Variants in DLGAP2 observed in about 807,000 individuals in gnomAD.
The protein encoded by DLGAP2 is disks large-associated protein 2.
Under a neutral mutation model 100.3 loss-of-function variants are expected in DLGAP2, and 26 were observed. The observed-to-expected ratio is 0.26, with a 90% CI of 0.19 to 0.36. DLGAP2 has a LOEUF of 0.36. Among genes scored for constraint, DLGAP2 ranks in the 10% least tolerant of loss-of-function variants. DLGAP2 has a pLI of 1.00. For missense variants in DLGAP2, 1,858 were observed against 1,453.2 expected (o/e 1.28, Z -4.53); for synonymous variants, 886 against 630.1 (o/e 1.41, Z -6.08).
At chr8:1,144,826 C>T (rs1310706381) in intron 2 of DLGAP2, among the ~76,000 whole-genome samples, 2 of 151,906 alleles carry the variant, frequency 1.3e-5, no homozygotes, top group African/African-American at 2.4e-5. Context: ...AAACCGCAGA[C>T]GGCCTGTACC....
intron 3 of DLGAP2, among the ~76,000 whole-genome samples, chr8:1,316,190 A>C (rs1800742804): frequency 7.9e-6 from 1 of 125,954 alleles, no homozygotes; most frequent in Admixed American, 8.6e-5. Flanking sequence ...CAGCGTTTAA[A>C]AATAGAGCCT....
intron 2 of DLGAP2, among the ~76,000 whole-genome samples, chr8:977,286 T>G (rs1800189807): frequency 6.6e-6 from 1 of 152,228 alleles, no homozygotes; most frequent in African/African-American, 2.4e-5. Context: ...ATTCCTTCTC[T>G]TGAAGTCTGT....
At chr8:1,327,949 C>G (rs1350152765) in intron 3 of DLGAP2, among the ~76,000 whole-genome samples, 1 of 152,206 alleles carries the variant, frequency 6.6e-6, no homozygotes. Flanking sequence ...ACAGGGATTG[C>G]TGGTTTGTGT....
intron 2 of DLGAP2, among the ~76,000 whole-genome samples, chr8:1,040,399 C>T (rs575337184): frequency 1.1e-4 from 16 of 146,500 alleles, no homozygotes; most frequent in South Asian, 2.2e-4. Context: ...GCTCGGTGTG[C>T]GTGGTCGGCT....
chr8:1,225,864 G>C (rs1585168031), intron 2 of DLGAP2, among the ~76,000 whole-genome samples: 1 of 152,144 alleles, frequency 6.6e-6, no homozygotes, highest in South Asian at 2.1e-4. Flanking sequence ...CCACAAAAAA[G>C]TTTAAGCAGG....
At chr8:1,215,843 G>C (rs552381727) in intron 2 of DLGAP2, among the ~76,000 whole-genome samples, 68 of 139,492 alleles carry the variant, frequency 4.9e-4, no homozygotes, top group Non-Finnish European at 3.0e-5. Context: ...CAGGTACCTG[G>C]ATGGGTTCAT....
intron 1 of DLGAP2, among the ~76,000 whole-genome samples, chr8:830,665 C>T (rs1354984318): frequency 6.6e-6 from 1 of 152,042 alleles, no homozygotes; most frequent in Non-Finnish European, 1.5e-5. Context: ...GCATGCATTG[C>T]ATGGTCTATT....
At chr8:1,268,365 A>G (rs1026956858) in intron 3 of DLGAP2, among the ~76,000 whole-genome samples, 11 of 152,360 alleles carry the variant, frequency 7.2e-5, no homozygotes, top group African/African-American at 1.7e-4. Context: ...ATGCAATTGC[A>G]TGTTGAGGAA....
intron 2 of DLGAP2, among the ~76,000 whole-genome samples, chr8:1,223,380 C>A (rs549969979): frequency 1.8e-4 from 27 of 152,254 alleles, no homozygotes; most frequent in African/African-American, 6.0e-4. Flanking sequence ...TGGCTCTTCT[C>A]CGCGGTGCTG....
intron 1 of DLGAP2, among the ~76,000 whole-genome samples, chr8:752,422 A>C (rs1301199665): frequency 6.6e-6 from 1 of 152,200 alleles, no homozygotes; most frequent in African/African-American, 2.4e-5. Flanking sequence ...TGCCCGCCGG[A>C]GAGCCACAGT....
At chr8:1,094,468 A>G (rs1804299472) in intron 2 of DLGAP2, among the ~76,000 whole-genome samples, 1 of 152,190 alleles carries the variant, frequency 6.6e-6, no homozygotes, top group African/African-American at 2.4e-5. Flanking sequence ...TTCTGGGTGA[A>G]GAAAAAGAAA....
chr8:1,344,886 C>G (rs558878272), intron 3 of DLGAP2, among the ~76,000 whole-genome samples: 91 of 152,290 alleles, frequency 6.0e-4, no homozygotes, highest in Non-Finnish European at 1.2e-3. Context: ...TGGCCTCCCT[C>G]CTGGACCGAA....
At chr8:1,391,776 C>G (rs561327433) in intron 3 of DLGAP2, among the ~76,000 whole-genome samples, 2 of 152,190 alleles carry the variant, frequency 1.3e-5, no homozygotes, top group Admixed American at 1.3e-4. Flanking sequence ...AAGAAAACAC[C>G]CTTTCTCAAG....
rs1211196462 is a variant in DLGAP2, at chr8:1,707,563, G to A, written c.*6157G>A. ...TTCCCCTTACGAGCAGTGAGACCTA[G>A]GCTACTTTCGAACGCTTCCTTCCGA... On this transcript the variant is annotated 3_prime_UTR_variant, in exon 15 of 15. Transcript: ENST00000637795. The A allele has an allele frequency of 6.6e-6, 1 of 152,120 alleles. No homozygotes were observed. The highest frequency in any genetic ancestry group is 1.5e-5 in the Non-Finnish European group (1 of 68,042). 9.4% of individuals were successfully genotyped at this position (152,120 alleles called of 1,614,324 possible). A position where few individuals can be genotyped will look rare whatever the true frequency, so the allele number is the denominator to read the frequency against.
chr8:1,189,690 C>T (rs141175710), intron 2 of DLGAP2, among the ~76,000 whole-genome samples: 6 of 152,142 alleles, frequency 3.9e-5, no homozygotes, highest in Non-Finnish European at 7.4e-5. Flanking sequence ...GTTTTCCCCT[C>T]AGGAAGTTTA....
At chr8:1,363,713 G>T (rs1802038309) in intron 3 of DLGAP2, among the ~76,000 whole-genome samples, 1 of 152,198 alleles carries the variant, frequency 6.6e-6, no homozygotes, top group African/African-American at 2.4e-5. Context: ...GAGAAGGAAA[G>T]AGAACCCGAC....
chr8:1,436,053 T>C lies in DLGAP2; in HGVS notation c.107-65313T>C, dbSNP rs141556429. On this transcript the variant is annotated intron_variant, in intron 3 of 14. Coordinates refer to ENST00000637795, the MANE Select transcript of DLGAP2 (RefSeq NM_001346810.2). Reference sequence around the variant, plus strand: ...AAGAGTTACAGTGTGTGTATGAGTCTGGGTTCTCTAGAGGGACAGGACTAA... The same window carrying C: ...AAGAGTTACAGTGTGTGTATGAGTCCGGGTTCTCTAGAGGGACAGGACTAA... Among the ~76,000 whole-genome samples the C allele has an allele frequency of 1.5e-3, 235 of 152,256 alleles. 1 individual carries two copies. Among genetic ancestry groups the C allele is most frequent in the African/African-American group, 5.3e-3 (222 of 41,556 alleles).
At chr8:1,201,989 T>C (rs1207771970) in intron 2 of DLGAP2, among the ~76,000 whole-genome samples, 1 of 151,750 alleles carries the variant, frequency 6.6e-6, no homozygotes, top group Non-Finnish European at 1.5e-5. Flanking sequence ...TATCTGTGTA[T>C]ATGTGGTGTG....
chr8:1,413,467 C>T (rs1796791197), intron 3 of DLGAP2, among the ~76,000 whole-genome samples: 1 of 152,138 alleles, frequency 6.6e-6, no homozygotes, highest in Non-Finnish European at 1.5e-5. Context: ...AGTCACTATG[C>T]ATATTTTACT....
Sources: allele counts gnomAD v4.1 joint callset (sites outside exome capture counted in the v4.1 genomes callset), GRCh38; gene constraint gnomAD v4.1.1; transcripts MANE v1.5; gene names NCBI Gene and HGNC (gene_info 2026-07-23, HGNC 2026-07-21).